The following PLD1 variants were observed in gnomAD, a reference collection of about 807,000 sequenced individuals.
PLD1 encodes phospholipase D1.
A neutral mutation model predicts 137.1 loss-of-function variants in PLD1; 112 were observed. The ratio of observed to expected loss-of-function variants is 0.82; its 90% CI spans 0.70 to 0.96. The LOEUF is 0.96. Ranked by LOEUF, PLD1 falls within the 40% of genes least tolerant of loss-of-function variation. The probability of loss-of-function intolerance (pLI) is 0.00; values close to 1 mark genes in which losing one functional copy is unlikely to be tolerated. For synonymous variants in PLD1, 431 were observed against 454.7 expected (o/e 0.95, Z 0.66); for missense variants, 1,321 against 1,342.0 (o/e 0.98, Z 0.24).
At chr3:171,763,830 C>CTTTTTTTTTT (rs71178234) in intron 1 of PLD1, among the ~76,000 whole-genome samples, 1 of 86,740 alleles carries the variant, frequency 1.2e-5, no homozygotes, top group Non-Finnish European at 2.3e-5. Flanking sequence ...TTCTTTCTTT[C>CTTTTTTTTTT]TTTTTTTTTT....
intron 1 of PLD1, among the ~76,000 whole-genome samples, chr3:171,784,673 C>T (rs1036949012): frequency 6.6e-6 from 1 of 152,188 alleles, no homozygotes; most frequent in African/African-American, 2.4e-5. Flanking sequence ...TTTCCATAGA[C>T]ATCCTATTTT....
chr3:171,735,759 G>C, intron 3 of PLD1, 122 bp from the exon 4 acceptor site: 1 of 610,024 alleles, frequency 1.6e-6, no homozygotes, highest in Non-Finnish European at 2.9e-6. Context: ...CTTATTTTGT[G>C]TAAGTACTTA....
chr3:171,804,416 C>T (rs1292956761), intron 1 of PLD1, among the ~76,000 whole-genome samples: 2 of 152,062 alleles, frequency 1.3e-5, no homozygotes, highest in African/African-American at 2.4e-5. Context: ...CTGGAAATAC[C>T]TATGTATTTT....
chr3:171,650,907 A>C (rs6803986), intron 21 of PLD1, among the ~76,000 whole-genome samples: 4,399 of 152,268 alleles, frequency 0.029, 157 homozygotes, highest in African/African-American at 0.084. Flanking sequence ...GTCTCAAAAA[A>C]AAAAAAATTA....
At chr3:171,650,949 G>C (rs1170343336) in intron 21 of PLD1, among the ~76,000 whole-genome samples, 1 of 152,122 alleles carries the variant, frequency 6.6e-6, no homozygotes, top group Non-Finnish European at 1.5e-5. Context: ...CTATAAAGCT[G>C]TTTGTACCTT....
intron 11 of PLD1, among the ~76,000 whole-genome samples, chr3:171,704,804 C>G (rs1022354138): frequency 6.6e-6 from 1 of 152,128 alleles, no homozygotes; most frequent in Non-Finnish European, 1.5e-5. Flanking sequence ...CACCAGAAAC[C>G]GGATTCATGG....
intron 1 of PLD1, among the ~76,000 whole-genome samples, chr3:171,804,847 T>A (rs568622342): frequency 7.9e-5 from 12 of 152,382 alleles, no homozygotes; most frequent in Non-Finnish European, 1.5e-4. Flanking sequence ...CACACTGAGA[T>A]GCAAGGCTTT....
In PLD1 at chr3:171,618,848, A is replaced by AGTGTGTGTGT. The variant is rs138468678; in HGVS notation, c.2728+1537_2728+1538insACACACACAC. 2.5e-3 allele frequency among the ~76,000 whole-genome samples: 324 copies of AGTGTGTGTGT among 128,688 alleles called. 4 individuals are homozygous for AGTGTGTGTGT. The highest frequency in any genetic ancestry group is 4.6e-3 in the African/African-American group (138 of 30,222). 84.4% of individuals were successfully genotyped at this position (128,688 alleles called of 152,430 possible). On this transcript the variant is annotated intron_variant, in intron 24 of 26. Transcript: ENST00000351298. Reference sequence around the variant, plus strand: ...TTTAATGTGCTATACAAATATTAAAAGTGTGTGTGCGTGTGTGTGTGTGTG... The same window carrying AGTGTGTGTGT: ...TTTAATGTGCTATACAAATATTAAAAGTGTGTGTGTGTGTGTGTGCGTGTGTGTGTGTGTG...
intron 1 of PLD1, among the ~76,000 whole-genome samples, chr3:171,764,201 C>T (rs1234394139): frequency 6.6e-6 from 1 of 152,082 alleles, no homozygotes; most frequent in African/African-American, 2.4e-5. Flanking sequence ...TCTGAAACTC[C>T]TGGGCTCAAG....
intron 9 of PLD1, 70 bp from the exon 10 acceptor site, chr3:171,709,779 TA>T: frequency 7.4e-7 from 1 of 1,358,352 alleles, no homozygotes; most frequent in Non-Finnish European, 1.0e-6. Flanking sequence ...TTTTATTTGG[TA>T]ATATACCAAA....
chr3:171,660,818 G>A (rs1737608556), intron 20 of PLD1, among the ~76,000 whole-genome samples: 2 of 152,000 alleles, frequency 1.3e-5, no homozygotes, highest in African/African-American at 4.8e-5. Context: ...ATGTTGGCCA[G>A]GCTGGTCTCG....
intron 12 of PLD1, among the ~76,000 whole-genome samples, chr3:171,693,293 T>C (rs1444999332): frequency 1.3e-5 from 2 of 152,192 alleles, no homozygotes; most frequent in Non-Finnish European, 2.9e-5. Context: ...TCTTACGACG[T>C]CTGCACATTA....
intron 1 of PLD1, among the ~76,000 whole-genome samples, chr3:171,799,337 TAAAAAAA>T (rs758379833): frequency 1.7e-5 from 1 of 57,866 alleles, no homozygotes; most frequent in African/African-American, 6.8e-5. Flanking sequence ...AGACTCCGTC[TAAAAAAA>T]AAAAAAAAAA....
At chr3:171,754,042 C>T (rs1720848912) in intron 1 of PLD1, among the ~76,000 whole-genome samples, 2 of 152,188 alleles carry the variant, frequency 1.3e-5, no homozygotes, top group African/African-American at 4.8e-5. Flanking sequence ...CAGAAAGCCT[C>T]CCCTGACAGC....
At chr3:171,674,839 C>T (rs1713173052) in intron 18 of PLD1, among the ~76,000 whole-genome samples, 3 of 151,728 alleles carry the variant, frequency 2.0e-5, no homozygotes, top group African/African-American at 7.3e-5. Flanking sequence ...ATTAGCCAAG[C>T]ATGGTGGCGG....
rs958467170 is a variant in PLD1, at chr3:171,687,432, C to T, written c.1692G>A (p.Lys564=). The change falls in exon 15 of 27, where the codon AAG becomes AAA. Residue 564 remains lysine, a synonymous_variant. Coordinates refer to ENST00000351298, the MANE Select transcript of PLD1 (RefSeq NM_002662.5). ...PRKFSKFSLY[K]QLHRHHLHDA... ...CGTGCAGGTGGTGCCTGTGGAGCTG[C>T]TTGTAGAGACTAAATTTGGAGAACT... The T allele has an allele frequency of 2.5e-6, 4 of 1,614,112 alleles. No homozygotes were observed. Among genetic ancestry groups the T allele is most frequent in the East Asian group, 4.5e-5 (2 of 44,874 alleles).
chr3:171,613,334 G>GT (rs1476383231), intron 24 of PLD1, among the ~76,000 whole-genome samples: 5 of 152,066 alleles, frequency 3.3e-5, no homozygotes, highest in African/African-American at 1.2e-4. Context: ...TTCTAGTTGA[G>GT]TTTTCTACCT....
chr3:171,808,806 T>C (rs1416778559), intron 1 of PLD1, among the ~76,000 whole-genome samples: 1 of 144,290 alleles, frequency 6.9e-6, no homozygotes, highest in Non-Finnish European at 1.5e-5. Flanking sequence ...CTCAAAGCCT[T>C]AGCATTCAAT....
chr3:171,602,848 C>A lies in PLD1; in HGVS notation c.*230G>T, dbSNP rs970290953. On this transcript the variant is annotated 3_prime_UTR_variant, in exon 27 of 27. Coordinates refer to ENST00000351298, the MANE Select transcript of PLD1 (RefSeq NM_002662.5). ...TACTCAACAGAGTACATGCTACCAA[C>A]AAGAATGCAGCCCCCTTTTTACAAG... 1.8e-6 allele frequency: 1 copy of A among 556,430 alleles called. No individual in the cohort carries two copies. The highest frequency in any genetic ancestry group is 4.8e-4 in the Middle Eastern group (1 of 2,078). The allele number at this position is 556,430 out of a possible 1,614,324, so 34.5% of individuals were successfully genotyped here. A position where few individuals can be genotyped will look rare whatever the true frequency, so the allele number is the denominator to read the frequency against.
Sources: gnomAD v4.1 joint callset for allele counts (sites outside exome capture counted in the v4.1 genomes callset) on GRCh38, gnomAD v4.1.1 for gene constraint, MANE v1.5 for transcripts, NCBI Gene and HGNC (gene_info 2026-07-23, HGNC 2026-07-21) for gene names.